The following FGF14 variants were observed in gnomAD, a reference collection of about 807,000 sequenced individuals.
The protein encoded by FGF14 is fibroblast growth factor homologous factor 4.
In FGF14, 5 loss-of-function variants were observed where a neutral mutation model predicts 25.5. The observed-to-expected ratio is 0.20, with a 90% CI of 0.10 to 0.41. The LOEUF is 0.41. Ranked by LOEUF, FGF14 falls within the 10% of genes least tolerant of loss-of-function variation. FGF14 has a pLI of 1.00. For synonymous variants in FGF14, 138 were observed against 118.3 expected, an observed-to-expected ratio of 1.17 and a Z score of -1.08; for missense variants, 222 against 320.1, an observed-to-expected ratio of 0.69 and a Z score of 2.34.
At chr13:101,855,302 A>G (rs1459594374) in intron 3 of FGF14, among the ~76,000 whole-genome samples, 3 of 152,048 alleles carry the variant, frequency 2.0e-5, no homozygotes, top group Non-Finnish European at 4.4e-5. Flanking sequence ...ACCATTTCAC[A>G]TAATCAAGAA....
In FGF14 at chr13:102,240,453, G is replaced by A. The variant is rs562526700; in HGVS notation, c.208+161018C>T. Among the ~76,000 whole-genome samples, 7 of 152,018 alleles carry A rather than the reference G, an allele frequency of 4.6e-5. No individual in the cohort carries two copies. The South Asian group carries it at 6.2e-4, about 14-fold the overall frequency. The stretch of plus-strand genomic sequence containing the variant: ...TGCTCAACTAAAATAAACATTTCCC[G>A]GCAAATTCAAGAGCTGATATTTGCA... On this transcript the variant is annotated intron_variant, in intron 1 of 4. Transcript: ENST00000376131.
intron 1 of FGF14, among the ~76,000 whole-genome samples, chr13:102,148,555 T>C (rs1343594797): frequency 1.3e-5 from 2 of 152,210 alleles, no homozygotes; most frequent in Non-Finnish European, 2.9e-5. Context: ...ACACCTGTAA[T>C]GCCAGCACTT....
chr13:102,367,955 T>C (rs566800431), intron 1 of FGF14: 2 of 152,324 alleles, frequency 1.3e-5, no homozygotes, highest in South Asian at 4.1e-4. Flanking sequence ...TAAGAACCCA[T>C]GCACTCTTCT....
At chr13:102,090,328 T>C (rs1460560945) in intron 1 of FGF14, among the ~76,000 whole-genome samples, 1 of 152,222 alleles carries the variant, frequency 6.6e-6, no homozygotes, top group Non-Finnish European at 1.5e-5. Context: ...TTGTCTCCTG[T>C]GCTACTATTC....
chr13:102,288,988 C>T (rs1050604440), intron 1 of FGF14, among the ~76,000 whole-genome samples: 7 of 151,636 alleles, frequency 4.6e-5, no homozygotes, highest in Non-Finnish European at 4.4e-5. Context: ...CCAATAAATG[C>T]CAAGGTTAGC....
chr13:101,906,282 C>T (rs761744827), intron 1 of FGF14, among the ~76,000 whole-genome samples: 1 of 152,046 alleles, frequency 6.6e-6, no homozygotes, highest in Non-Finnish European at 1.5e-5. Flanking sequence ...ATCTAAGCCA[C>T]AGAAATGATT....
chr13:102,251,446 T>C (rs1173917483), intron 1 of FGF14, among the ~76,000 whole-genome samples: 3 of 152,180 alleles, frequency 2.0e-5, no homozygotes, highest in African/African-American at 4.8e-5. Flanking sequence ...TTTTGTTTTA[T>C]TCACTTCCAA....
chr13:102,305,432 G>A (rs879449456), intron 1 of FGF14, among the ~76,000 whole-genome samples: 1 of 152,066 alleles, frequency 6.6e-6, no homozygotes, highest in African/African-American at 2.4e-5. Context: ...GATTGCCTAC[G>A]ATAGAAACAG....
At chr13:102,133,485 TAGA>T (rs2046286851) in intron 1 of FGF14, among the ~76,000 whole-genome samples, 1 of 152,190 alleles carries the variant, frequency 6.6e-6, no homozygotes, top group African/African-American at 2.4e-5. Context: ...ATATGTATCA[TAGA>T]AGACTAAATA....
chr13:101,816,235 A>G (rs1216423168), intron 3 of FGF14, among the ~76,000 whole-genome samples: 1 of 143,268 alleles, frequency 7.0e-6, no homozygotes, highest in African/African-American at 2.7e-5. Context: ...GCGCCACTGC[A>G]CTCCAACCTG....
At chr13:101,787,560 A>T (rs539161407) in intron 3 of FGF14, among the ~76,000 whole-genome samples, 1 of 152,164 alleles carries the variant, frequency 6.6e-6, no homozygotes, top group African/African-American at 2.4e-5. Context: ...TCAACGCATA[A>T]CCCTACATGG....
intron 1 of FGF14, among the ~76,000 whole-genome samples, chr13:102,193,298 C>G (rs1421515320): frequency 6.6e-6 from 1 of 152,126 alleles, no homozygotes; most frequent in Non-Finnish European, 1.5e-5. Flanking sequence ...GAAGCAAGCT[C>G]TCTGGTGTCT....
rs1490277402 is a variant in FGF14, at chr13:101,716,635, T to C, written c.*6196A>G. On this transcript the variant is annotated 3_prime_UTR_variant, in exon 5 of 5. Transcript: ENST00000376143. ...GCCTTTTAAAAAGACAATATTGAGTTACATATAAAATGGGCCTGAAGTATG... is the reference window on the plus strand; with the variant it reads ...GCCTTTTAAAAAGACAATATTGAGTCACATATAAAATGGGCCTGAAGTATG... 1 of 152,064 alleles carries C rather than the reference T, an allele frequency of 6.6e-6. No homozygotes were observed. The allele number at this position is 152,064 out of a possible 1,614,324, so 9.4% of individuals were successfully genotyped here.
At chr13:101,875,522 G>T (rs187251200) in intron 1 of FGF14, among the ~76,000 whole-genome samples, 335 of 152,028 alleles carry the variant, frequency 2.2e-3, no homozygotes, top group African/African-American at 7.8e-3. Flanking sequence ...TTATAAAACT[G>T]GTATATGCAT....
chr13:102,257,109 A>G (rs865993308), intron 1 of FGF14, among the ~76,000 whole-genome samples: 8 of 152,136 alleles, frequency 5.3e-5, no homozygotes, highest in Admixed American at 1.3e-4. Flanking sequence ...ATTAAGCATC[A>G]GCTAACTTAA....
At chr13:102,010,646 C>T (rs1460649618) in intron 1 of FGF14, among the ~76,000 whole-genome samples, 1 of 152,156 alleles carries the variant, frequency 6.6e-6, no homozygotes, top group African/African-American at 2.4e-5. Flanking sequence ...AAGTCCAAAA[C>T]CTGGCTTCAT....
intron 1 of FGF14, among the ~76,000 whole-genome samples, chr13:101,985,569 T>C (rs543221526): frequency 2.6e-5 from 4 of 152,222 alleles, no homozygotes; most frequent in African/African-American, 9.6e-5. Flanking sequence ...CTGTCCTTCA[T>C]GGTGTGAGAA....
intron 1 of FGF14, among the ~76,000 whole-genome samples, chr13:102,131,504 C>T (rs879861346): frequency 6.6e-6 from 1 of 152,102 alleles, no homozygotes; most frequent in Non-Finnish European, 1.5e-5. Flanking sequence ...CTGTCTCAGC[C>T]GTATGCGCAA....
intron 3 of FGF14, among the ~76,000 whole-genome samples, chr13:101,797,137 A>G (rs1439637923): frequency 1.3e-5 from 2 of 152,080 alleles, no homozygotes; most frequent in Non-Finnish European, 2.9e-5. Context: ...GTGTGTGTGC[A>G]AACACAGTTG....
Sources: gnomAD v4.1 joint callset for allele counts (sites outside exome capture counted in the v4.1 genomes callset) on GRCh38, gnomAD v4.1.1 for gene constraint, MANE v1.5 for transcripts, NCBI Gene and HGNC (gene_info 2026-07-23, HGNC 2026-07-21) for gene names.